The following LRRN2 variants were observed in gnomAD, a reference collection of about 807,000 sequenced individuals.
LRRN2 encodes the protein leucine rich repeat neuronal 2, also known as leucine-rich repeat neuronal protein 2.
Under a neutral mutation model 35.7 loss-of-function variants are expected in LRRN2, and 10 were observed. The observed-to-expected ratio is 0.28, with a 90% CI of 0.17 to 0.47. The LOEUF is 0.47. LRRN2 is among the 20% of genes least tolerant of loss of function. The probability of loss-of-function intolerance (pLI) is 0.99; values close to 1 mark genes in which losing one functional copy is unlikely to be tolerated. For missense variants in LRRN2, 731 were observed against 940.3 expected (o/e 0.78, Z 2.91); for synonymous variants, 391 against 409.6 (o/e 0.95, Z 0.55).
chr1:204,663,452 C>T (rs1305241411), intron 1 of LRRN2, among the ~76,000 whole-genome samples: 1 of 152,178 alleles, frequency 6.6e-6, no homozygotes, highest in East Asian at 1.9e-4. Context: ...ACCAAGTCTT[C>T]AAATAGTGGC....
At chr1:204,685,091 A>G (rs1180479005) in intron 1 of LRRN2, among the ~76,000 whole-genome samples, 1 of 151,768 alleles carries the variant, frequency 6.6e-6, no homozygotes, top group Admixed American at 6.5e-5. Flanking sequence ...CCCTCTCCCA[A>G]GTCTCCGGCT....
At chr1:204,645,409 GGCTGGGTCAGTT>G in intron 1 of LRRN2, among the ~76,000 whole-genome samples, 1 of 152,276 alleles carries the variant, frequency 6.6e-6, no homozygotes, top group East Asian at 1.9e-4. Context: ...GTGGAGAATG[GGCTGGGTCAGTT>G]GCTAAGGTGG....
intron 1 of LRRN2, chr1:204,629,343 T>A (rs1667606240): frequency 6.6e-6 from 1 of 152,396 alleles, no homozygotes; most frequent in African/African-American, 2.4e-5. Context: ...CAACTCAAAA[T>A]AATCAGTCCC....
chr1:204,633,315 T>G (rs1052569958), intron 1 of LRRN2: 1 of 152,216 alleles, frequency 6.6e-6, no homozygotes, highest in African/African-American at 2.4e-5. Flanking sequence ...GCAGCACAAA[T>G]GGACTACGAT....
chr1:204,652,368 C>T (rs1455037871), intron 1 of LRRN2, among the ~76,000 whole-genome samples: 1 of 151,174 alleles, frequency 6.6e-6, no homozygotes, highest in East Asian at 1.9e-4. Context: ...CACCTCCCAG[C>T]GCTGTTTCGA....
intron 1 of LRRN2, among the ~76,000 whole-genome samples, chr1:204,670,964 A>G (rs1378733951): frequency 6.6e-6 from 1 of 152,096 alleles, no homozygotes; most frequent in Non-Finnish European, 1.5e-5. Flanking sequence ...GGGCTTCAGG[A>G]AGGTTTTTGT....
rs1666491612 is a variant in LRRN2, at chr1:204,618,051, C to T, written c.1942G>A (p.Ala648Thr). Reference protein sequence around the residue: ...AVLLLAAGLAAHLGTGQPRKG... With the variant: ...AVLLLAAGLATHLGTGQPRKG... ...CTGGGTTGGCCTGTGCCAAGGTGGG[C>T]CGCTAGCCCAGCTGCCAGGAGAAGG... is the stretch of plus-strand genomic sequence containing the variant. The change falls in exon 2 of 2, where the codon GCC (alanine) becomes ACC (threonine). Residue 648 changes from alanine to threonine, a missense_variant. By Grantham distance (58) the Ala-to-Thr change is moderately conservative. Around this residue, in one of 3 missense-constraint regions of LRRN2, gnomAD observed 229 missense variants for 258.4 expected, o/e 0.89. Transcript: ENST00000367177. The T allele has an allele frequency of 1.2e-6, 2 of 1,612,866 alleles. No homozygotes were observed. The highest frequency in any genetic ancestry group is 1.1e-5 in the South Asian group (1 of 90,980).
intron 1 of LRRN2, among the ~76,000 whole-genome samples, chr1:204,661,092 A>T (rs958103388): frequency 2.6e-5 from 4 of 152,274 alleles, no homozygotes; most frequent in Non-Finnish European, 4.4e-5. Flanking sequence ...TGGTTGATTG[A>T]TTGATTGATT....
At chr1:204,624,970 C>T (rs1337892886) in intron 1 of LRRN2, among the ~76,000 whole-genome samples, 1 of 152,254 alleles carries the variant, frequency 6.6e-6, no homozygotes, top group Non-Finnish European at 1.5e-5. Context: ...AAGGCCAGTC[C>T]TCCATCTGCA....
intron 1 of LRRN2, chr1:204,621,901 C>T (rs1323576782): frequency 6.0e-6 from 1 of 167,140 alleles, no homozygotes; most frequent in Non-Finnish European, 1.5e-5. Context: ...CCTACCATTG[C>T]TCAGGACTCT....
In LRRN2 at chr1:204,618,442, A is replaced by G. The variant is rs1666556298; in HGVS notation, c.1551T>C (p.Ala517=). The G allele has an allele frequency of 6.2e-7, 1 of 1,613,994 alleles. No homozygotes were observed. Among genetic ancestry groups the G allele is most frequent in the African/African-American group, 1.3e-5 (1 of 74,914 alleles). ...TKTVSVVVGR[A]LLQPGRDEGQ... is the part of the protein sequence containing the mutation. ...CTTCGTCCCTGCCTGGCTGGAGGAGAGCACGGCCCACAACCACACTAACCG... is the reference window on the plus strand; with the variant it reads ...CTTCGTCCCTGCCTGGCTGGAGGAGGGCACGGCCCACAACCACACTAACCG... The change falls in exon 2 of 2, where the codon GCT becomes GCC. Residue 517 remains alanine (A), a synonymous_variant. Transcript: ENST00000367177.
At chr1:204,679,846 G>C (rs1558425296) in intron 1 of LRRN2, among the ~76,000 whole-genome samples, 1 of 152,196 alleles carries the variant, frequency 6.6e-6, no homozygotes, top group Non-Finnish European at 1.5e-5. Flanking sequence ...AACAATGTTG[G>C]ATCTTAAATA....
At chr1:204,640,375 A>G (rs1269244946) in intron 1 of LRRN2, among the ~76,000 whole-genome samples, 2 of 152,212 alleles carry the variant, frequency 1.3e-5, no homozygotes. Flanking sequence ...AAGATTCAAC[A>G]CAGAAACTTT....
intron 1 of LRRN2, chr1:204,627,010 G>T (rs940866807): frequency 2.0e-5 from 3 of 151,394 alleles, no homozygotes; most frequent in Non-Finnish European, 4.4e-5. Flanking sequence ...ATTACTCTGA[G>T]AATCTCTCTG....
Position 204,619,369 on chromosome 1 carries a change from G to A in LRRN2, c.624C>T (p.Asn208=), listed in dbSNP as rs1270942161. The part of the protein sequence containing the change: ...GNKVDAILDM[N]FRPLANLRSL... ...TACGCAGGTTGGCCAGGGGCCGGAAGTTCATGTCCAGGATGGCATCTACCT... is the reference window on the plus strand; with the variant it reads ...TACGCAGGTTGGCCAGGGGCCGGAAATTCATGTCCAGGATGGCATCTACCT... Residue 208 remains asparagine, a synonymous_variant, in exon 2 of 2, where the codon AAC becomes AAT. Transcript: ENST00000367177. 6 of 1,614,132 alleles carry A rather than the reference G, an allele frequency of 3.7e-6. No individual in the cohort carries two copies. The highest frequency in any genetic ancestry group is 3.3e-5 in the Admixed American group (2 of 60,014).
At chr1:204,683,501 A>G (rs918364793) in intron 1 of LRRN2, among the ~76,000 whole-genome samples, 5 of 152,136 alleles carry the variant, frequency 3.3e-5, no homozygotes, top group Non-Finnish European at 7.4e-5. Flanking sequence ...CAGGGAAAAT[A>G]GGATGGGAAG....
intron 1 of LRRN2, among the ~76,000 whole-genome samples, chr1:204,643,112 C>T (rs1218079555): frequency 6.6e-6 from 1 of 152,234 alleles, no homozygotes; most frequent in Non-Finnish European, 1.5e-5. Context: ...TGCCAACACA[C>T]TCTTCTAAAA....
chr1:204,670,479 G>A (rs974150503), intron 1 of LRRN2, among the ~76,000 whole-genome samples: 1 of 152,100 alleles, frequency 6.6e-6, no homozygotes, highest in Non-Finnish European at 1.5e-5. Context: ...AAGGATATGG[G>A]GCTCAGAAGA....
At chr1:204,640,290 C>T (rs1667950318) in intron 1 of LRRN2, among the ~76,000 whole-genome samples, 1 of 152,154 alleles carries the variant, frequency 6.6e-6, no homozygotes. Context: ...ACATTAATCC[C>T]ACTCAGGTGG....
Sources: allele counts gnomAD v4.1 joint callset (sites outside exome capture counted in the v4.1 genomes callset), GRCh38; gene constraint gnomAD v4.1.1; regional missense constraint gnomAD v4.1.1; transcripts MANE v1.5; gene names NCBI Gene and HGNC (gene_info 2026-07-23, HGNC 2026-07-21).